Variants in AK5 observed in about 807,000 individuals in gnomAD.
The protein encoded by AK5 is adenylate kinase 5.
A neutral mutation model predicts 69.5 loss-of-function variants in AK5; 27 were observed. That is an observed-to-expected ratio of 0.39 (90% confidence interval 0.29 to 0.54). AK5 has a LOEUF of 0.54. Ranked by LOEUF, AK5 falls within the 20% of genes least tolerant of loss-of-function variation. The probability of loss-of-function intolerance (pLI) is 0.71; values close to 1 mark genes in which losing one functional copy is unlikely to be tolerated. For missense variants in AK5, 531 were observed against 700.4 expected (o/e 0.76, Z 2.73); for synonymous variants, 260 against 244.4 (o/e 1.06, Z -0.60).
intron 8 of AK5, among the ~76,000 whole-genome samples, chr1:77,454,173 T>G (rs1156374583): frequency 2.0e-5 from 3 of 152,210 alleles, no homozygotes; most frequent in Admixed American, 1.3e-4. Flanking sequence ...CAGCTAGATA[T>G]CTGCCAAACC....
chr1:77,414,784 A>G (rs1241227493), intron 7 of AK5, among the ~76,000 whole-genome samples: 2 of 152,214 alleles, frequency 1.3e-5, no homozygotes, highest in Non-Finnish European at 2.9e-5. Context: ...ATATCATTGC[A>G]GTTGTTTTAT....
intron 1 of AK5, chr1:77,282,711 G>A: frequency 1.9e-6 from 2 of 1,080,620 alleles, no homozygotes; most frequent in Non-Finnish European, 1.1e-6. Context: ...GGGGGCGAGG[G>A]CCAGGTCAGG....
At position 77,377,346 on chromosome 1, in the gene AK5, A is replaced by G. The variant is rs564483762; in HGVS notation, c.892-33635A>G. 2.0e-5 allele frequency among the ~76,000 whole-genome samples: 3 copies of G among 152,240 alleles called. No individual in the cohort carries two copies. The East Asian group carries it at 5.8e-4, about 29-fold the overall frequency. ...CAATAAATGTCAACACCATCTCCTA[A>G]GATGCTTATGTCAAAAACCTCAGTC... On this transcript the variant is annotated intron_variant, in intron 6 of 13. Coordinates refer to ENST00000354567, the MANE Select transcript of AK5 (RefSeq NM_174858.3).
intron 6 of AK5, among the ~76,000 whole-genome samples, chr1:77,343,171 A>C (rs1396235372): frequency 1.3e-5 from 2 of 152,196 alleles, no homozygotes; most frequent in African/African-American, 4.8e-5. Context: ...CACATATGTC[A>C]TGCACTGTTT....
At chr1:77,372,757 A>ATGTGTG (rs79604774) in intron 6 of AK5, among the ~76,000 whole-genome samples, 2 of 139,174 alleles carry the variant, frequency 1.4e-5, no homozygotes, top group African/African-American at 2.5e-5. Context: ...TCTAAATAAA[A>ATGTGTG]TGTGTGTGTG....
chr1:77,401,763 G>A (rs1649229853), intron 6 of AK5, among the ~76,000 whole-genome samples: 1 of 152,082 alleles, frequency 6.6e-6, no homozygotes, highest in Non-Finnish European at 1.5e-5. Context: ...CTCCTCAGAT[G>A]GTGCATAATT....
intron 10 of AK5, among the ~76,000 whole-genome samples, chr1:77,499,277 CA>C (rs1666151184): frequency 6.6e-6 from 1 of 151,802 alleles, no homozygotes; most frequent in African/African-American, 2.4e-5. Context: ...GTGGTTAAGG[CA>C]AAAAAGGACT....
At chr1:77,374,192 T>C (rs1647181444) in intron 6 of AK5, among the ~76,000 whole-genome samples, 1 of 152,202 alleles carries the variant, frequency 6.6e-6, no homozygotes, top group African/African-American at 2.4e-5. Context: ...ATTTGCACCA[T>C]TCTCAATACT....
At chr1:77,307,454 T>C (rs933529679) in intron 5 of AK5, among the ~76,000 whole-genome samples, 4 of 152,068 alleles carry the variant, frequency 2.6e-5, no homozygotes, top group African/African-American at 9.7e-5. Flanking sequence ...TTTTATTCCG[T>C]TTTGGTTAGA....
At chr1:77,513,964 A>G (rs1461530250) in intron 10 of AK5, among the ~76,000 whole-genome samples, 2 of 151,784 alleles carry the variant, frequency 1.3e-5, no homozygotes, top group Non-Finnish European at 2.9e-5. Flanking sequence ...GCAGACTTAG[A>G]CTCCCTGGGC....
At chr1:77,482,165 G>A (rs1436738509) in intron 8 of AK5, among the ~76,000 whole-genome samples, 1 of 152,178 alleles carries the variant, frequency 6.6e-6, no homozygotes, top group Non-Finnish European at 1.5e-5. Context: ...TGTATCCCTG[G>A]ATATCTAGAA....
chr1:77,323,208 T>A (rs1434494926), intron 5 of AK5, among the ~76,000 whole-genome samples: 1 of 152,054 alleles, frequency 6.6e-6, no homozygotes, highest in Non-Finnish European at 1.5e-5. Context: ...GCCGGACTGG[T>A]CTCAAATGCC....
At chr1:77,461,459 G>A (rs3113637) in intron 8 of AK5, among the ~76,000 whole-genome samples, 42,968 of 143,512 alleles carry the variant, frequency 0.3, 6,594 homozygotes, top group East Asian at 0.59. Context: ...ATAATGACAG[G>A]TAGAAAGAAT....
chr1:77,324,184 A>T (rs1300265979), intron 5 of AK5, among the ~76,000 whole-genome samples: 1 of 152,216 alleles, frequency 6.6e-6, no homozygotes, highest in Non-Finnish European at 1.5e-5. Flanking sequence ...AAAATGCCGA[A>T]CATTAAGAAA....
chr1:77,336,699 T>C (rs1661380622), intron 5 of AK5, among the ~76,000 whole-genome samples: 1 of 152,184 alleles, frequency 6.6e-6, no homozygotes, highest in African/African-American at 2.4e-5. Flanking sequence ...GCTCATTAAC[T>C]AACTTTTCTT....
chr1:77,462,136 G>A (rs535650740), intron 8 of AK5, among the ~76,000 whole-genome samples: 6 of 152,186 alleles, frequency 3.9e-5, no homozygotes, highest in Non-Finnish European at 7.4e-5. Context: ...TATCCTACTC[G>A]AAATTCATAC....
At chr1:77,398,892 G>A (rs546437675) in intron 6 of AK5, among the ~76,000 whole-genome samples, 14 of 152,014 alleles carry the variant, frequency 9.2e-5, no homozygotes, top group Middle Eastern at 3.4e-3. Context: ...ACGAGATTGG[G>A]TCCAATCTAT....
chr1:77,547,917 A>G (rs1659620829), intron 13 of AK5, among the ~76,000 whole-genome samples: 1 of 152,312 alleles, frequency 6.6e-6, no homozygotes, highest in South Asian at 2.1e-4. Flanking sequence ...GTTCTAGACT[A>G]CCCAAGGATG....
intron 8 of AK5, among the ~76,000 whole-genome samples, chr1:77,474,335 G>C (rs138258133): frequency 6.6e-6 from 1 of 152,174 alleles, no homozygotes; most frequent in South Asian, 2.1e-4. Context: ...TCCCAACTCC[G>C]ACCTGGATAT....
Sources: allele counts gnomAD v4.1 joint callset (sites outside exome capture counted in the v4.1 genomes callset), GRCh38; gene constraint gnomAD v4.1.1; transcripts MANE v1.5; gene names NCBI Gene and HGNC (gene_info 2026-07-23, HGNC 2026-07-21).